Variants in ITPR2 observed in about 807,000 individuals in gnomAD.
ITPR2 encodes the protein inositol 1,4,5-trisphosphate-gated calcium channel ITPR2.
Under a neutral mutation model 317.1 loss-of-function variants are expected in ITPR2, and 207 were observed. The ratio of observed to expected loss-of-function variants is 0.65; its 90% CI spans 0.58 to 0.73. ITPR2 has a LOEUF of 0.73. Among genes scored for constraint, ITPR2 ranks in the 30% least tolerant of loss-of-function variants. The pLI is 0.00. For synonymous variants in ITPR2, 1,156 were observed against 1,149.1 expected (o/e 1.01, Z -0.12); for missense variants, 2,613 against 3,284.0 (o/e 0.80, Z 4.99).
chr12:26,444,390 T>C (rs1941559863), intron 45 of ITPR2, among the ~76,000 whole-genome samples: 1 of 152,128 alleles, frequency 6.6e-6, no homozygotes, highest in Non-Finnish European at 1.5e-5. Context: ...CTTTCACTTA[T>C]CAAATATCTT....
intron 45 of ITPR2, among the ~76,000 whole-genome samples, chr12:26,470,276 T>C (rs375936585): frequency 7.2e-5 from 11 of 152,226 alleles, no homozygotes; most frequent in African/African-American, 2.7e-4. Flanking sequence ...TTTTGCATTA[T>C]GACATGGAAA....
intron 37 of ITPR2, among the ~76,000 whole-genome samples, chr12:26,516,608 A>C (rs1044349984): frequency 2.0e-5 from 3 of 152,194 alleles, no homozygotes; most frequent in Admixed American, 2.0e-4. Flanking sequence ...AAACAAATTA[A>C]AATCATTATA....
chr12:26,725,586 A>C, intron 3 of ITPR2, 64 bp downstream of exon 3: 1 of 1,084,598 alleles, frequency 9.2e-7, no homozygotes, highest in Non-Finnish European at 1.4e-6. Context: ...AAAGCTCTAA[A>C]TACATTTTTA....
intron 26 of ITPR2, among the ~76,000 whole-genome samples, chr12:26,604,924 C>A (rs971609633): frequency 6.6e-6 from 1 of 151,664 alleles, no homozygotes; most frequent in African/African-American, 2.4e-5. Context: ...CCCATCTCTA[C>A]TAAAAATACA....
chr12:26,794,304 A>T (rs1169335297), intron 1 of ITPR2, among the ~76,000 whole-genome samples: 1 of 152,228 alleles, frequency 6.6e-6, no homozygotes, highest in African/African-American at 2.4e-5. Flanking sequence ...TATGCATTAA[A>T]TTCAAGTCCA....
intron 34 of ITPR2, among the ~76,000 whole-genome samples, chr12:26,572,834 A>G (rs181417124): frequency 2.0e-5 from 3 of 152,224 alleles, no homozygotes; most frequent in Admixed American, 6.5e-5. Flanking sequence ...TGGCAAATAA[A>G]AGGCAATTAG....
chr12:26,588,003 G>C (rs74988054), intron 32 of ITPR2, among the ~76,000 whole-genome samples: 1 of 152,180 alleles, frequency 6.6e-6, no homozygotes, highest in South Asian at 2.1e-4. Context: ...AAGATTTACA[G>C]ATGGCACCAA....
At chr12:26,733,116 C>A (rs1019891882) in intron 2 of ITPR2, among the ~76,000 whole-genome samples, 7 of 151,632 alleles carry the variant, frequency 4.6e-5, no homozygotes, top group Non-Finnish European at 8.8e-5. Context: ...GAGTTCAAGA[C>A]CAGCCTGGCC....
chr12:26,692,092 A>G (rs1948251789), intron 10 of ITPR2, among the ~76,000 whole-genome samples: 2 of 152,128 alleles, frequency 1.3e-5, no homozygotes, highest in South Asian at 2.1e-4. Flanking sequence ...GGAAAATTTG[A>G]GGGTCTGTCA....
chr12:26,656,585 C>A, intron 18 of ITPR2, 37 bp from the exon 19 acceptor site: 1 of 1,606,536 alleles, frequency 6.2e-7, no homozygotes. Flanking sequence ...ATTGTCTTAT[C>A]TCAAGGAAAT....
chr12:26,785,145 G>A (rs1249540934), intron 2 of ITPR2, among the ~76,000 whole-genome samples: 10 of 42,274 alleles, frequency 2.4e-4, no homozygotes, highest in African/African-American at 5.2e-4. Flanking sequence ...GTCTCCGCCC[G>A]GCAGCCACCC....
rs151255453 is a variant in ITPR2, at chr12:26,678,657, A to C, written c.1409+3217T>G. Among the ~76,000 whole-genome samples the C allele has an allele frequency of 6.1e-3, 934 of 152,346 alleles. 9 individuals are homozygous for C. Among genetic ancestry groups the C allele is most frequent in the Middle Eastern group, 0.02 (6 of 294 alleles). ...GGAGGTGGCTTTTCTGAAATTACTA[A>C]ATTAAGATCAATAATTGTACCTTCA... On this transcript the variant is annotated intron_variant, in intron 13 of 56. Coordinates refer to ENST00000381340, the MANE Select transcript of ITPR2 (RefSeq NM_002223.4).
chr12:26,832,633 G>C, intron 1 of ITPR2, 57 bp downstream of exon 1: 1 of 1,353,052 alleles, frequency 7.4e-7, no homozygotes, highest in Non-Finnish European at 1.0e-6. Context: ...GGAGGGACAG[G>C]GACTGGTTCC....
At chr12:26,496,364 A>T (rs1248346091) in intron 37 of ITPR2, among the ~76,000 whole-genome samples, 2 of 152,074 alleles carry the variant, frequency 1.3e-5, no homozygotes, top group Admixed American at 6.5e-5. Context: ...TTGCTCATTC[A>T]CTTTCTCATA....
intron 54 of ITPR2, among the ~76,000 whole-genome samples, chr12:26,388,029 A>G (rs957140896): frequency 3.9e-5 from 6 of 152,230 alleles, no homozygotes; most frequent in African/African-American, 1.4e-4. Context: ...AAGAATTGAG[A>G]CAGTCATCTG....
chr12:26,361,914 T>C (rs1938842270), intron 55 of ITPR2, among the ~76,000 whole-genome samples: 2 of 152,234 alleles, frequency 1.3e-5, no homozygotes, highest in Admixed American at 1.3e-4. Context: ...TGTAGAATGA[T>C]AGTAGCTGAT....
At chr12:26,792,820 C>T (rs1263996475) in intron 1 of ITPR2, among the ~76,000 whole-genome samples, 1 of 152,166 alleles carries the variant, frequency 6.6e-6, no homozygotes, top group East Asian at 1.9e-4. Flanking sequence ...CTGAGATGGG[C>T]AAGCTGATTT....
At position 26,454,453 on chromosome 12, in the gene ITPR2, A is replaced by C. The variant is rs138752872; in HGVS notation, c.6343-10803T>G. 7.2e-4 allele frequency among the ~76,000 whole-genome samples: 110 copies of C among 152,182 alleles called. 2 individuals are homozygous for C. In the East Asian group the frequency reaches 0.021, roughly 29 times the overall value. On this transcript the variant is annotated intron_variant, in intron 45 of 56. Coordinates refer to ENST00000381340, the MANE Select transcript of ITPR2 (RefSeq NM_002223.4). ...GATCTCTTGACCTTGTGATCTGCCC[A>C]CCTCGGCCTCCCAAAGTGCTGGGAT...
chr12:26,449,397 T>C (rs1356599180), intron 45 of ITPR2, among the ~76,000 whole-genome samples: 14 of 152,168 alleles, frequency 9.2e-5, no homozygotes, highest in Non-Finnish European at 2.1e-4. Context: ...TTTCAAAACA[T>C]CTACTTTTTT....
Sources: gnomAD v4.1 joint callset for allele counts (sites outside exome capture counted in the v4.1 genomes callset) on GRCh38, gnomAD v4.1.1 for gene constraint, MANE v1.5 for transcripts, NCBI Gene and HGNC (gene_info 2026-07-23, HGNC 2026-07-21) for gene names.